Variants in PCSK7 observed in about 807,000 individuals in gnomAD.
The protein encoded by PCSK7 is proprotein convertase subtilisin/kexin type 7, also known as lymphoma proprotein convertase.
In PCSK7, 38 loss-of-function variants were observed where a neutral mutation model predicts 73.3. The ratio of observed to expected loss-of-function variants is 0.52; its 90% CI spans 0.40 to 0.68. The LOEUF (loss-of-function observed/expected upper bound fraction) is 0.68, where lower values mean the gene tolerates loss of function less well. PCSK7 is among the 30% of genes least tolerant of loss of function. The pLI, the probability that PCSK7 is intolerant of heterozygous loss-of-function variation, is 0.00. For missense variants in PCSK7, 692 were observed against 991.5 expected, an observed-to-expected ratio of 0.70 and a Z score of 4.06; for synonymous variants, 296 against 383.8, an observed-to-expected ratio of 0.77 and a Z score of 2.68.
intron 12 of PCSK7, chr11:117,209,268 C>T (rs1446769515): frequency 1.4e-5 from 7 of 494,080 alleles, no homozygotes; most frequent in Middle Eastern, 5.6e-4. Context: ...GACACATACC[C>T]AAGACACAAT....
intron 12 of PCSK7, chr11:117,210,087 A>G (rs2031653956): frequency 6.6e-6 from 1 of 152,220 alleles, no homozygotes; most frequent in African/African-American, 2.4e-5. Context: ...ACAGCTACAC[A>G]CGCGCATACA....
rs182787931 is a variant in PCSK7 at position 117,229,653 on chromosome 11, G to A, written c.192C>T (p.Asp64=). Residue 64 remains aspartate, a synonymous_variant, in exon 3 of 17, where the codon GAC becomes GAT. Transcript: ENST00000320934. ...GCTGCTCCAGAGTCTCTTCCTCCCC[G>A]TCACCTTCCAGGCTTTCCAGGTGCA... ...WAVHLESLEG[D]GEEETLEQQA... is the part of the protein sequence containing the mutation. The A allele has an allele frequency of 3.1e-5, 50 of 1,613,854 alleles. No individual in the cohort carries two copies. The East Asian group carries it at 7.1e-4, about 23-fold the overall frequency.
chr11:117,216,654 T>C (rs2031998257), intron 12 of PCSK7: 1 of 152,014 alleles, frequency 6.6e-6, no homozygotes, highest in South Asian at 2.1e-4. Context: ...GGTCTCAAAC[T>C]CCTGACCTCA....
In PCSK7 at chr11:117,218,998, T is replaced by C. The variant is rs2032092276; in HGVS notation, c.1431+59A>G. The stretch of plus-strand genomic sequence containing the variant: ...TGATATCCCAGGCAGTTTGGGGCAT[T>C]CAGCTCCGACCCTTGGTCACTCCAC... On this transcript the variant is annotated intron_variant, in intron 11 of 16. Transcript: ENST00000320934. This position sits in a 1 kb window ranked among gnomAD's most constrained non-coding sequence, Gnocchi z 4.0. The C allele has an allele frequency of 8.6e-7, 1 of 1,166,660 alleles. No homozygotes were observed. The highest frequency in any genetic ancestry group is 1.5e-5 in the African/African-American group (1 of 66,152). The allele number at this position is 1,166,660 out of a possible 1,614,324, so 72.3% of individuals were successfully genotyped here.
chr11:117,224,343 G>A, intron 7 of PCSK7, 127 bp from the exon 8 acceptor site: 1 of 922,532 alleles, frequency 1.1e-6, no homozygotes, highest in Non-Finnish European at 1.7e-6. Context: ...ACTGGGCATG[G>A]GGGAAAGATT....
intron 10 of PCSK7, 56 bp downstream of exon 10, chr11:117,219,535 A>G: frequency 1.3e-6 from 2 of 1,534,304 alleles, no homozygotes; most frequent in Non-Finnish European, 1.8e-6. Context: ...GCCACCTGAT[A>G]CCCGAACTCT....
chr11:117,228,356 A>G lies in PCSK7; in HGVS notation c.469-6T>C. 1 of 1,613,642 alleles carries G rather than the reference A, an allele frequency of 6.2e-7. No individual in the cohort carries two copies. The highest frequency in any genetic ancestry group is 8.5e-7 in the Non-Finnish European group (1 of 1,179,548). On this transcript the variant is annotated splice_region_variant and splice_polypyrimidine_tract_variant and intron_variant, in intron 3 of 16. Transcript: ENST00000320934. ...CCCGGGCTCCGTCGGTTATTCTGTA[A>G]GAGAGACAGGATGGGAATACAGTGA...
At chr11:117,214,386 G>A (rs957509564) in intron 12 of PCSK7, 6 of 130,668 alleles carry the variant, frequency 4.6e-5, no homozygotes, top group African/African-American at 2.0e-4. Context: ...AAACATAGCT[G>A]TACTGTCAAG....
In PCSK7 at chr11:117,229,647, C is replaced by T. The variant is rs748947686; in HGVS notation, c.198G>A (p.Glu66=). 7 of 1,613,970 alleles carry T rather than the reference C, an allele frequency of 4.3e-6. No homozygotes were observed. The highest frequency in any genetic ancestry group is 4.5e-5 in the East Asian group (2 of 44,878). Reference sequence around the variant, plus strand: ...CCGCCTGCTGCTCCAGAGTCTCTTCCTCCCCGTCACCTTCCAGGCTTTCCA... The same window carrying T: ...CCGCCTGCTGCTCCAGAGTCTCTTCTTCCCCGTCACCTTCCAGGCTTTCCA... ...VHLESLEGDG[E]EETLEQQADA... Residue 66 remains glutamate (E), a synonymous_variant, in exon 3 of 17, where the codon GAG becomes GAA. Coordinates refer to ENST00000320934, the MANE Select transcript of PCSK7 (RefSeq NM_004716.4).
In PCSK7 at chr11:117,228,353, G is replaced by A. The variant is rs1190938506; in HGVS notation, c.469-3C>T. 1 of 1,613,672 alleles carries A rather than the reference G, an allele frequency of 6.2e-7. No individual in the cohort carries two copies. Among genetic ancestry groups the A allele is most frequent in the East Asian group, 2.2e-5 (1 of 44,876 alleles). On this transcript the variant is annotated splice_region_variant and splice_polypyrimidine_tract_variant and intron_variant, in intron 3 of 16. Transcript: ENST00000320934. Reference sequence around the variant, plus strand: ...CTGCCCGGGCTCCGTCGGTTATTCTGTAAGAGAGACAGGATGGGAATACAG... The same window carrying A: ...CTGCCCGGGCTCCGTCGGTTATTCTATAAGAGAGACAGGATGGGAATACAG...
At chr11:117,229,984 A>C in intron 2 of PCSK7, 128 bp from the exon 3 acceptor site, 1 of 603,958 alleles carries the variant, frequency 1.7e-6, no homozygotes, top group Non-Finnish European at 2.9e-6. Flanking sequence ...TAAATTGTGA[A>C]ACATTTGATC....
At position 117,228,272 on chromosome 11, in the gene PCSK7, C is replaced by T; in HGVS notation, c.547G>A (p.Val183Met). 2.5e-6 allele frequency: 4 copies of T among 1,613,870 alleles called. No homozygotes were observed. Among genetic ancestry groups the T allele is most frequent in the Non-Finnish European group, 3.4e-6 (4 of 1,179,848 alleles). ...TCCACTCCGTCATCCACTACCACCA[C>T]CGTCACCCCTCGCCCAGTCACATTG... ...ERNVTGRGVT[V>M]VVVDDGVEHT... The change falls in exon 4 of 17, where the codon GTG (valine) becomes ATG (methionine). Residue 183 changes from valine (V) to methionine (M), a missense_variant. This residue lies in a region of PCSK7 where 574 missense variants were observed against 689.8 expected (regional missense o/e 0.83). Transcript: ENST00000320934.
At position 117,219,615 on chromosome 11, in the gene PCSK7, G is replaced by A; in HGVS notation, c.1299C>T (p.His433=). Residue 433 remains histidine, a synonymous_variant, in exon 10 of 17, where the codon CAC becomes CAT. Transcript: ENST00000320934. ...RPCLTWRDVQ[H]IIVFTATRYE... Reference sequence around the variant, plus strand: ...CCCGGGTGGCTGTGAAGACAATGATGTGCTGGACGTCACGCCACGTGAGGC... The same window carrying A: ...CCCGGGTGGCTGTGAAGACAATGATATGCTGGACGTCACGCCACGTGAGGC... 1.2e-6 allele frequency: 2 copies of A among 1,613,062 alleles called. No individual in the cohort carries two copies. Among genetic ancestry groups the A allele is most frequent in the Non-Finnish European group, 1.7e-6 (2 of 1,179,660 alleles).
rs1408033008 is a variant in PCSK7, at chr11:117,229,833, C to T, written c.12G>A (p.Gly4=). MPK[G]RQKVPHLDAP... ...CATCCAAGTGTGGCACTTTCTGCCTCCCCTTCGGCATCAGAGCAGTGGACT... is the reference window on the plus strand; with the variant it reads ...CATCCAAGTGTGGCACTTTCTGCCTTCCCTTCGGCATCAGAGCAGTGGACT... Residue 4 remains glycine (G), a synonymous_variant, in exon 3 of 17, where the codon GGG becomes GGA. Coordinates refer to ENST00000320934, the MANE Select transcript of PCSK7 (RefSeq NM_004716.4). 2.6e-6 allele frequency: 4 copies of T among 1,564,538 alleles called. No individual in the cohort carries two copies. The highest frequency in any genetic ancestry group is 3.5e-6 in the Non-Finnish European group (4 of 1,152,556).
In PCSK7 at chr11:117,204,501, G is replaced by A. The variant is rs1295323645; in HGVS notation, c.*1496C>T. On this transcript the variant is annotated 3_prime_UTR_variant, in exon 17 of 17. Coordinates refer to ENST00000320934, the MANE Select transcript of PCSK7 (RefSeq NM_004716.4). ...GCTCTGTCACTGAGCAATGGTAACT[G>A]CACCTGGGCAGCTCCTCCCTGTGCC... 7.8e-7 allele frequency: 1 copy of A among 1,286,760 alleles called. No homozygotes were observed. Among genetic ancestry groups the A allele is most frequent in the Non-Finnish European group, 1.1e-6 (1 of 910,416 alleles). 79.7% of individuals were successfully genotyped at this position (1,286,760 alleles called of 1,614,324 possible). A position where few individuals can be genotyped will look rare whatever the true frequency, so the allele number is the denominator to read the frequency against.
chr11:117,211,114 G>T (rs2031713035), intron 12 of PCSK7: 2 of 152,236 alleles, frequency 1.3e-5, no homozygotes, highest in East Asian at 1.9e-4. Context: ...AAGGACAGGG[G>T]TGTTTGTTTG....
Position 117,229,696 on chromosome 11 carries a change from C to T in PCSK7, c.149G>A (p.Gly50Glu), listed in dbSNP as rs572810970. ...CAGGTGCACAGCCCAGCTCGGCCCC[C>T]CTGTGCCCTGGCCATCAGGCCCACC... ...GTGGPDGQGT[G>E]GPSWAVHLES... Residue 50 changes from glycine (G) to glutamate (E), a missense_variant, in exon 3 of 17, where the codon GGG (glycine) becomes GAG (glutamate). Gly to Glu is a moderately conservative substitution (Grantham distance 98, BLOSUM62 -2). Coordinates refer to ENST00000320934, the MANE Select transcript of PCSK7 (RefSeq NM_004716.4). The T allele has an allele frequency of 1.9e-6, 3 of 1,613,898 alleles. No homozygotes were observed. Among genetic ancestry groups the T allele is most frequent in the South Asian group, 2.2e-5 (2 of 91,076 alleles).
rs748507100 is a variant in PCSK7, at chr11:117,219,634, G to T, written c.1280C>A (p.Thr427Lys). The T allele has an allele frequency of 6.2e-7, 1 of 1,612,518 alleles. No individual in the cohort carries two copies. The highest frequency in any genetic ancestry group is 8.5e-7 in the Non-Finnish European group (1 of 1,179,512). The change falls in exon 10 of 17, where the codon ACG (threonine) becomes AAG (lysine). Residue 427 changes from threonine (T) to lysine (K), a missense_variant. Thr to Lys is a moderately conservative substitution (Grantham distance 78). Transcript: ENST00000320934. ...AATGATGTGCTGGACGTCACGCCAC[G>T]TGAGGCAGGGCCGCACCTGCAGCAT... Reference protein sequence around the residue: ...ALMLQVRPCLTWRDVQHIIVF... With the variant: ...ALMLQVRPCLKWRDVQHIIVF...
chr11:117,224,138 G>A lies in PCSK7; in HGVS notation c.994C>T (p.Gln332Ter), dbSNP rs531193281. 1 of 1,613,932 alleles carries A rather than the reference G, an allele frequency of 6.2e-7. No homozygotes were observed. The highest frequency in any genetic ancestry group is 1.7e-5 in the Admixed American group (1 of 59,982). Residue 332 changes from glutamine to a stop codon, truncating the protein, a stop_gained, in exon 8 of 17, where the codon CAA becomes TAA. Transcript: ENST00000320934. LOFTEE classifies it high-confidence loss of function. ...TCGTAGTTGCAGTTGTCGTTGTGTT[G>A]GCCTCCGTTGCCACTGGCTACCACA... ...IFVVASGNGG[Q>*]HNDNCNYDGY... is the part of the protein sequence containing the mutation.
Sources: gnomAD v4.1 joint callset for allele counts on GRCh38, gnomAD v4.1.1 for gene constraint, gnomAD v4.1.1 regional missense constraint, Gnocchi (gnomAD v3.1) non-coding constraint, MANE v1.5 for transcripts, NCBI Gene and HGNC (gene_info 2026-07-23, HGNC 2026-07-21) for gene names.